Variants in PPP1R1C observed in about 807,000 individuals in gnomAD.
PPP1R1C encodes the protein protein phosphatase 1 regulatory subunit 1C.
Under a neutral mutation model 17.4 loss-of-function variants are expected in PPP1R1C, and 15 were observed. That is an observed-to-expected ratio of 0.86 (90% confidence interval 0.58 to 1.33). PPP1R1C has a LOEUF of 1.33. Among genes scored for constraint, PPP1R1C ranks in the 40% most tolerant of loss-of-function variants. PPP1R1C has a pLI of 0.00. For synonymous variants in PPP1R1C, 35 were observed against 43.1 expected, an observed-to-expected ratio of 0.81 and a Z score of 0.73; for missense variants, 143 against 130.0, an observed-to-expected ratio of 1.10 and a Z score of -0.48.
chr2:182,101,849 C>T (rs1325293174), intron 4 of PPP1R1C, among the ~76,000 whole-genome samples: 1 of 152,116 alleles, frequency 6.6e-6, no homozygotes, highest in South Asian at 2.1e-4. Context: ...GCCCTCTGGG[C>T]CAGTAACTAG....
intron 2 of PPP1R1C, among the ~76,000 whole-genome samples, chr2:182,027,012 GT>G (rs1686637372): frequency 8.5e-6 from 1 of 117,462 alleles, no homozygotes; most frequent in Non-Finnish European, 1.8e-5. Flanking sequence ...CTCTCTGTTT[GT>G]CTGTTGTTGG....
At chr2:182,120,357 T>C (rs1689703974), downstream of PPP1R1C, among the ~76,000 whole-genome samples, 1 of 152,158 alleles carries the variant, frequency 6.6e-6, no homozygotes, top group Non-Finnish European at 1.5e-5. Context: ...AAAAAATCAT[T>C]GAATCCAGGA....
intron 2 of PPP1R1C, among the ~76,000 whole-genome samples, chr2:182,032,024 G>A (rs1241006549): frequency 1.3e-5 from 2 of 152,140 alleles, no homozygotes; most frequent in Non-Finnish European, 2.9e-5. Context: ...TCAGTTTAAA[G>A]TTTAGTATTT....
At chr2:182,110,878 T>C (rs1689396868) in intron 4 of PPP1R1C, among the ~76,000 whole-genome samples, 1 of 152,070 alleles carries the variant, frequency 6.6e-6, no homozygotes, top group African/African-American at 2.4e-5. Context: ...AAAATTTAAC[T>C]CTACTTCTAA....
At chr2:182,086,739 CACTAT>C (rs1370267863) in intron 4 of PPP1R1C, among the ~76,000 whole-genome samples, 8 of 152,080 alleles carry the variant, frequency 5.3e-5, no homozygotes, top group Non-Finnish European at 1.0e-4. Context: ...TATATATGTA[CACTAT>C]ACTAATGAAT....
chr2:182,045,940 C>G (rs532159266), intron 2 of PPP1R1C, among the ~76,000 whole-genome samples: 2 of 151,858 alleles, frequency 1.3e-5, no homozygotes, highest in South Asian at 4.2e-4. Context: ...TTTATTTTAC[C>G]TTTTACTGTA....
In PPP1R1C at chr2:182,071,928, C is replaced by G. The variant is rs142739628; in HGVS notation, c.241+8137C>G. Among the ~76,000 whole-genome samples the G allele has an allele frequency of 3.4e-3, 513 of 152,268 alleles. 4 individuals are homozygous for G. Among genetic ancestry groups the G allele is most frequent in the African/African-American group, 0.012 (481 of 41,546 alleles). ...TTCTGGGACTACAAGATTCTCTAGGCTCATTTTATGTATTTCTTGTCCCAG... is the reference window on the plus strand; with the variant it reads ...TTCTGGGACTACAAGATTCTCTAGGGTCATTTTATGTATTTCTTGTCCCAG... On this transcript the variant is annotated intron_variant, in intron 4 of 4. Coordinates refer to ENST00000682840, the MANE Select transcript of PPP1R1C (RefSeq NM_001080545.3).
intron 2 of PPP1R1C, among the ~76,000 whole-genome samples, chr2:182,056,083 G>A (rs1215785232): frequency 6.6e-6 from 1 of 152,130 alleles, no homozygotes; most frequent in Non-Finnish European, 1.5e-5. Flanking sequence ...TAGAAGTAAA[G>A]CAGAGGCACT....
At chr2:182,044,308 C>T (rs1574406119) in intron 2 of PPP1R1C, among the ~76,000 whole-genome samples, 1 of 152,204 alleles carries the variant, frequency 6.6e-6, no homozygotes, top group East Asian at 1.9e-4. Flanking sequence ...CATACAGTTT[C>T]AAATCCCTGA....
chr2:181,984,051 T>C (rs1685244155), upstream of PPP1R1C, among the ~76,000 whole-genome samples: 1 of 152,258 alleles, frequency 6.6e-6, no homozygotes, highest in East Asian at 1.9e-4. Context: ...TCACCTATTA[T>C]TCTAAGTGGA....
chr2:181,971,249 A>T (rs1257568417), intron 1 of PPP1R1C, among the ~76,000 whole-genome samples: 4 of 152,064 alleles, frequency 2.6e-5, no homozygotes, highest in African/African-American at 9.7e-5. Flanking sequence ...ATCACTGCTG[A>T]TTATTCAGGC....
chr2:181,973,704 C>G (rs117471732), intron 1 of PPP1R1C, among the ~76,000 whole-genome samples: 1 of 152,226 alleles, frequency 6.6e-6, no homozygotes, highest in East Asian at 1.9e-4. Context: ...GCTGTTAGTA[C>G]AAAAAATAAT....
At chr2:182,029,739 C>T (rs1686754196) in intron 2 of PPP1R1C, among the ~76,000 whole-genome samples, 1 of 102,942 alleles carries the variant, frequency 9.7e-6, no homozygotes, top group Non-Finnish European at 1.9e-5. Context: ...CTGTGTATTT[C>T]CTGAATCTGA....
chr2:181,972,714 A>C (rs1574345498), intron 1 of PPP1R1C, among the ~76,000 whole-genome samples: 1 of 152,272 alleles, frequency 6.6e-6, no homozygotes, highest in Non-Finnish European at 1.5e-5. Context: ...TTCAGTGGTG[A>C]TTATGGGGTA....
At chr2:181,998,892 C>A (rs971783527) in intron 2 of PPP1R1C, among the ~76,000 whole-genome samples, 1 of 152,168 alleles carries the variant, frequency 6.6e-6, no homozygotes, top group African/African-American at 2.4e-5. Flanking sequence ...GCCAGAGACC[C>A]ACTCACCATC....
chr2:182,121,924 C>T (rs1689743112), downstream of PPP1R1C, among the ~76,000 whole-genome samples: 1 of 152,144 alleles, frequency 6.6e-6, no homozygotes, highest in Admixed American at 6.6e-5. Flanking sequence ...CTGAAAACTC[C>T]AGATATTAAA....
At chr2:182,031,841 T>C (rs1559064638) in intron 2 of PPP1R1C, among the ~76,000 whole-genome samples, 1 of 152,320 alleles carries the variant, frequency 6.6e-6, no homozygotes, top group South Asian at 2.1e-4. Flanking sequence ...TAGAAGATTT[T>C]GTTAAAAGAA....
chr2:182,102,681 A>G (rs1192068933), intron 4 of PPP1R1C, among the ~76,000 whole-genome samples: 1 of 152,190 alleles, frequency 6.6e-6, no homozygotes, highest in Non-Finnish European at 1.5e-5. Flanking sequence ...AAATACATCA[A>G]TTTTATCAAT....
At chr2:182,040,864 C>T (rs1264309905) in intron 2 of PPP1R1C, among the ~76,000 whole-genome samples, 5 of 152,108 alleles carry the variant, frequency 3.3e-5, no homozygotes, top group African/African-American at 7.2e-5. Context: ...GTTTTCTCTA[C>T]ATGTGGCTTG....
Sources: gnomAD v4.1 joint callset for allele counts (sites outside exome capture counted in the v4.1 genomes callset) on GRCh38, gnomAD v4.1.1 for gene constraint, MANE v1.5 for transcripts, NCBI Gene and HGNC (gene_info 2026-07-23, HGNC 2026-07-21) for gene names.